ERGIC1: variants seen among roughly 807,000 people sequenced by gnomAD.
ERGIC1 encodes endoplasmic reticulum-Golgi intermediate compartment protein 1.
Under a neutral mutation model 38.3 loss-of-function variants are expected in ERGIC1, and 19 were observed. The observed-to-expected ratio is 0.50, with a 90% CI of 0.35 to 0.73. ERGIC1 has a LOEUF of 0.73. ERGIC1 is among the 30% of genes least tolerant of loss of function. ERGIC1 has a pLI of 0.01. For missense variants in ERGIC1, 294 were observed against 389.2 expected, an observed-to-expected ratio of 0.76 and a Z score of 2.06; for synonymous variants, 124 against 157.6, an observed-to-expected ratio of 0.79 and a Z score of 1.60.
chr5:172,835,022 C>T (rs1258881946), intron 1 of ERGIC1, among the ~76,000 whole-genome samples: 3 of 152,224 alleles, frequency 2.0e-5, no homozygotes, highest in Non-Finnish European at 4.4e-5. Context: ...GGAGGAGGCG[C>T]CTTGGGCAGG....
At position 172,900,726 on chromosome 5, in the gene ERGIC1, A is replaced by AAC. The variant is rs1554111082; in HGVS notation, c.155+3653_155+3654insCA. Among the ~76,000 whole-genome samples the AAC allele has an allele frequency of 8.6e-3, 1,276 of 149,166 alleles. 16 individuals are homozygous for AAC. Among genetic ancestry groups the AAC allele is most frequent in the African/African-American group, 0.027 (1,093 of 40,610 alleles). On this transcript the variant is annotated intron_variant, in intron 3 of 9. Coordinates refer to ENST00000393784, the MANE Select transcript of ERGIC1 (RefSeq NM_001031711.3). The stretch of plus-strand genomic sequence containing the variant: ...CCCTATCTCAAAAAAAAAAAACAAA[A>AAC]AAAAACATGAGGACATTTTTTGAGC...
At chr5:172,918,165 C>A (rs1204562693) in intron 5 of ERGIC1, 1 of 152,102 alleles carries the variant, frequency 6.6e-6, no homozygotes, top group East Asian at 1.9e-4. Flanking sequence ...ATCAATCAGT[C>A]AATAAAAATT....
chr5:172,877,456 A>ATTT (rs1561713693), intron 1 of ERGIC1, among the ~76,000 whole-genome samples: 11 of 79,768 alleles, frequency 1.4e-4, no homozygotes, highest in African/African-American at 4.2e-4. Context: ...ATATATATAT[A>ATTT]TATTTTTTTT....
rs116666746 is a variant in ERGIC1 at position 172,922,716 on chromosome 5, G to A, written c.376-1289G>A. Among the ~76,000 whole-genome samples the A allele has an allele frequency of 3.8e-3, 582 of 152,382 alleles. 7 individuals carry two copies. Among genetic ancestry groups the A allele is most frequent in the African/African-American group, 0.013 (553 of 41,600 alleles). ...GGTGGGGACACGATGCTTGGCCAGC[G>A]GCCAGATGTGGCCTGTGGGCCACCA... On this transcript the variant is annotated intron_variant, in intron 5 of 9. Transcript: ENST00000393784.
At chr5:172,841,316 C>G (rs954433241) in intron 1 of ERGIC1, among the ~76,000 whole-genome samples, 3 of 152,164 alleles carry the variant, frequency 2.0e-5, no homozygotes, top group African/African-American at 7.2e-5. Context: ...ATGTGGGGTC[C>G]TTTACAGATA....
chr5:172,840,909 A>G (rs1210677546), intron 1 of ERGIC1, among the ~76,000 whole-genome samples: 1 of 152,232 alleles, frequency 6.6e-6, no homozygotes, highest in African/African-American at 2.4e-5. Flanking sequence ...AGTGTCCTCC[A>G]GTCTGTGTCC....
chr5:172,843,051 G>A (rs570732785), intron 1 of ERGIC1, among the ~76,000 whole-genome samples: 1 of 152,328 alleles, frequency 6.6e-6, no homozygotes, highest in South Asian at 2.1e-4. Context: ...GGCTGAGGCA[G>A]GAGAATTGCT....
intron 1 of ERGIC1, among the ~76,000 whole-genome samples, chr5:172,853,306 A>G (rs1365178154): frequency 6.6e-6 from 1 of 152,082 alleles, no homozygotes; most frequent in Non-Finnish European, 1.5e-5. Flanking sequence ...TGCGGCCCCC[A>G]TCGTGCTGGG....
chr5:172,944,188 C>A (rs1332143381), intron 9 of ERGIC1, among the ~76,000 whole-genome samples: 1 of 152,170 alleles, frequency 6.6e-6, no homozygotes, highest in Non-Finnish European at 1.5e-5. Flanking sequence ...GCCGAGGTGG[C>A]CCTCCCTGGC....
At chr5:172,943,753 G>C (rs958467341) in intron 9 of ERGIC1, among the ~76,000 whole-genome samples, 1 of 152,288 alleles carries the variant, frequency 6.6e-6, no homozygotes, top group Non-Finnish European at 1.5e-5. Context: ...CTCCCACGGC[G>C]GTGTGTATGG....
intron 5 of ERGIC1, chr5:172,916,236 G>A (rs780303465): frequency 6.6e-6 from 1 of 152,300 alleles, no homozygotes; most frequent in Non-Finnish European, 1.5e-5. Flanking sequence ...GTGTTGCTGG[G>A]AGAAATCTGC....
chr5:172,888,792 C>T, intron 2 of ERGIC1, 32 bp downstream of exon 2: 1 of 1,593,882 alleles, frequency 6.3e-7, no homozygotes, highest in Non-Finnish European at 8.6e-7. Flanking sequence ...ATGCCCTCTG[C>T]CCCATCTCCA....
rs145546141 is a variant in ERGIC1, at chr5:172,875,860, G to A, written c.21-12839G>A. On this transcript the variant is annotated intron_variant, in intron 1 of 9. Transcript: ENST00000393784. Reference sequence around the variant, plus strand: ...TGGGATAACAGGCATGAGCCACCATGCCTGGCCACGTCCTTTATTTATTGA... The same window carrying A: ...TGGGATAACAGGCATGAGCCACCATACCTGGCCACGTCCTTTATTTATTGA... Among the ~76,000 whole-genome samples the A allele has an allele frequency of 3.3e-5, 5 of 152,324 alleles. No individual in the cohort carries two copies. The East Asian group carries it at 7.7e-4, about 24-fold the overall frequency.
At chr5:172,929,149 A>ATG (rs1367026074) in intron 7 of ERGIC1, among the ~76,000 whole-genome samples, 17 of 67,490 alleles carry the variant, frequency 2.5e-4, no homozygotes, top group African/African-American at 1.0e-3. Flanking sequence ...TGTCATATAT[A>ATG]TATATGTGTG....
chr5:172,862,321 A>G (rs1761725500), intron 1 of ERGIC1, among the ~76,000 whole-genome samples: 1 of 150,644 alleles, frequency 6.6e-6, no homozygotes, highest in African/African-American at 2.4e-5. Flanking sequence ...AAAAAAAAAA[A>G]AAAAAAAAAA....
rs1327699797 is a variant in ERGIC1 at position 172,909,682 on chromosome 5, T to C, written c.171T>C (p.Tyr57=). 6.2e-7 allele frequency: 1 copy of C among 1,614,204 alleles called. No individual in the cohort carries two copies. Among genetic ancestry groups the C allele is most frequent in the East Asian group, 2.2e-5 (1 of 44,878 alleles). The part of the protein sequence containing the change: ...FITTEVVNEL[Y]VDDPDKDSGG... ...TTTCCCCTAGTGTGAACGAGCTCTATGTCGATGACCCAGACAAGGACAGCG... is the reference window on the plus strand; with the variant it reads ...TTTCCCCTAGTGTGAACGAGCTCTACGTCGATGACCCAGACAAGGACAGCG... The change falls in exon 4 of 10, where the codon TAT becomes TAC. Residue 57 remains tyrosine, a synonymous_variant. Transcript: ENST00000393784.
intron 1 of ERGIC1, among the ~76,000 whole-genome samples, chr5:172,840,082 C>T (rs1581502073): frequency 6.6e-6 from 1 of 152,300 alleles, no homozygotes; most frequent in South Asian, 2.1e-4. Context: ...TAGCGTGATA[C>T]CTGATTCTGA....
intron 2 of ERGIC1, among the ~76,000 whole-genome samples, chr5:172,889,406 A>T (rs963416816): frequency 2.2e-5 from 3 of 135,194 alleles, no homozygotes; most frequent in African/African-American, 5.3e-5. Flanking sequence ...TTTATCCATT[A>T]AAAAAAAAAA....
chr5:172,926,539 C>T lies in ERGIC1; in HGVS notation c.511C>T (p.Leu171Phe). Residue 171 changes from leucine (L) to phenylalanine (F), a missense_variant, in exon 7 of 10, where the codon CTC (leucine) becomes TTC (phenylalanine). Leu to Phe is a conservative substitution (Grantham distance 22). Coordinates refer to ENST00000393784, the MANE Select transcript of ERGIC1 (RefSeq NM_001031711.3). The surrounding 1 kb of genome is among the most constrained non-coding windows in gnomAD (Gnocchi z 5.2). ...VQNIHGAFNA[L>F]GGADRLTSNP... ...GAACATCCACGGAGCTTTCAATGCTCTCGGGGGAGCAGACAGACTCACCTC... is the reference window on the plus strand; with the variant it reads ...GAACATCCACGGAGCTTTCAATGCTTTCGGGGGAGCAGACAGACTCACCTC... 6.2e-7 allele frequency: 1 copy of T among 1,613,402 alleles called. No homozygotes were observed. Among genetic ancestry groups the T allele is most frequent in the Non-Finnish European group, 8.5e-7 (1 of 1,180,022 alleles).
Sources: gnomAD v4.1 joint callset for allele counts (sites outside exome capture counted in the v4.1 genomes callset) on GRCh38, gnomAD v4.1.1 for gene constraint, Gnocchi (gnomAD v3.1) non-coding constraint, MANE v1.5 for transcripts, NCBI Gene and HGNC (gene_info 2026-07-23, HGNC 2026-07-21) for gene names.